The following CFAP20DC variants were observed in gnomAD, a reference collection of about 807,000 sequenced individuals.
CFAP20DC encodes the protein protein CFAP20DC.
Under a neutral mutation model 101.7 loss-of-function variants are expected in CFAP20DC, and 84 were observed. The observed-to-expected ratio is 0.83, with a 90% confidence interval of 0.69 to 0.99. CFAP20DC has a LOEUF of 0.99. Ranked by LOEUF, CFAP20DC falls within the 50% of genes least tolerant of loss-of-function variation. The probability of loss-of-function intolerance (pLI) is 0.00; values close to 1 mark genes in which losing one functional copy is unlikely to be tolerated. For synonymous variants in CFAP20DC, 359 were observed against 351.2 expected (o/e 1.02, Z -0.25); for missense variants, 1,007 against 970.3 (o/e 1.04, Z -0.50).
intron 3 of CFAP20DC, among the ~76,000 whole-genome samples, chr3:58,730,031 AAAAAAAAAG>A (rs1224256914): frequency 0.011 from 1,623 of 151,800 alleles, 36 homozygotes; most frequent in African/African-American, 0.036. Flanking sequence ...AAAAAAAAAA[AAAAAAAAAG>A]AAAGTTGAAA....
At chr3:58,816,632 G>A (rs1467575701) in intron 14 of CFAP20DC, among the ~76,000 whole-genome samples, 2 of 151,622 alleles carry the variant, frequency 1.3e-5, no homozygotes, top group East Asian at 3.9e-4. Context: ...CCTGGCTCGA[G>A]GGTCCTACGC....
chr3:58,854,564 C>T (rs2078583058), intron 12 of CFAP20DC, among the ~76,000 whole-genome samples: 1 of 152,204 alleles, frequency 6.6e-6, no homozygotes, highest in African/African-American at 2.4e-5. Flanking sequence ...CTGGAGGCAT[C>T]AGGCTACCTG....
Position 58,958,384 on chromosome 3 carries a change from C to T in CFAP20DC, c.279-20622G>A, listed in dbSNP as rs187858395. ...TAACTTTTTATTACAGAATAGTATT[C>T]TACTATATGGATGTATCACATTTTG... On this transcript the variant is annotated intron_variant, in intron 4 of 16. Transcript: ENST00000482387. 2.7e-3 allele frequency among the ~76,000 whole-genome samples: 406 copies of T among 152,224 alleles called. 1 individual carries two copies. Among genetic ancestry groups the T allele is most frequent in the African/African-American group, 9.2e-3 (382 of 41,524 alleles).
chr3:59,046,085 T>C (rs1185682422), intron 3 of CFAP20DC, 144 bp downstream of exon 3: 1 of 604,034 alleles, frequency 1.7e-6, no homozygotes, highest in East Asian at 2.9e-5. Flanking sequence ...GCATAGTTAG[T>C]TGCCCTCTAA....
intron 12 of CFAP20DC, among the ~76,000 whole-genome samples, chr3:58,852,415 C>T (rs937930223): frequency 6.6e-6 from 1 of 151,808 alleles, no homozygotes; most frequent in African/African-American, 2.4e-5. Flanking sequence ...CCACTGTCAA[C>T]ATTAGACAGA....
Position 58,852,787 on chromosome 3 carries a change from G to A in CFAP20DC, c.1594-3378C>T, listed in dbSNP as rs528796352. ...AATAAAGATGTTCTTTGAAACCAAC[G>A]AGAACAAAGACACAACATACCAGAA... On this transcript the variant is annotated intron_variant, in intron 12 of 16. Coordinates refer to ENST00000482387, the MANE Select transcript of CFAP20DC (RefSeq NM_001394063.1). Among the ~76,000 whole-genome samples the A allele has an allele frequency of 7.1e-3, 1,080 of 151,308 alleles. 13 individuals are homozygous for A. The highest frequency in any genetic ancestry group is 0.025 in the African/African-American group (1,014 of 41,158).
At chr3:58,875,648 G>A (rs539047058) in intron 7 of CFAP20DC, among the ~76,000 whole-genome samples, 12 of 152,068 alleles carry the variant, frequency 7.9e-5, no homozygotes, top group Non-Finnish European at 1.8e-4. Context: ...CCCCTCAATC[G>A]ATGTAAGTTC....
At chr3:58,763,116 A>C (rs889525677) in intron 15 of CFAP20DC, among the ~76,000 whole-genome samples, 1 of 152,160 alleles carries the variant, frequency 6.6e-6, no homozygotes, top group African/African-American at 2.4e-5. Context: ...TCTCCTGGAT[A>C]ATATCCTGCA....
chr3:58,806,776 T>C (rs1417996091), intron 14 of CFAP20DC, among the ~76,000 whole-genome samples: 3 of 152,184 alleles, frequency 2.0e-5, no homozygotes, highest in East Asian at 3.8e-4. Context: ...ATTGCCTCAC[T>C]CGGGAAGCGC....
chr3:58,861,397 TGCCTTAATTAACTAAACTGATTTTTC>T lies in CFAP20DC; in HGVS notation c.1593+2135_1593+2160del, dbSNP rs1432039001. 3 of 779,012 alleles carry T rather than the reference TGCCTTAATTAACTAAACTGATTTTTC, an allele frequency of 3.9e-6. No homozygotes were observed. The African/African-American group carries it at 5.7e-5, about 15-fold the overall frequency. The allele number at this position is 779,012 out of a possible 1,614,324, so 48.3% of individuals were successfully genotyped here. On this transcript the variant is annotated intron_variant, in intron 12 of 16. Coordinates refer to ENST00000482387, the MANE Select transcript of CFAP20DC (RefSeq NM_001394063.1). The surrounding 1 kb of genome is among the most constrained non-coding windows in gnomAD (Gnocchi z 4.0). ...AAAATAATGCAATTAATAGTAAGGA[TGCCTTAATTAACTAAACTGATTTTTC>T]TTCAAAGACTATATGTAAATAAACA...
At chr3:58,793,710 G>T (rs116387946) in intron 15 of CFAP20DC, among the ~76,000 whole-genome samples, 107 of 152,190 alleles carry the variant, frequency 7.0e-4, no homozygotes, top group African/African-American at 2.5e-3. Context: ...GAGATGAGCT[G>T]CCCCTCAACA....
chr3:58,884,077 G>A (rs373741433), intron 7 of CFAP20DC, among the ~76,000 whole-genome samples: 37 of 152,046 alleles, frequency 2.4e-4, no homozygotes, highest in Admixed American at 1.0e-3. Flanking sequence ...AAAAAAATGG[G>A]AGATCTGGTG....
At chr3:58,963,241 T>TGTGTGTGTGTGTGTGTGTGTGTG (rs1559906974) in intron 4 of CFAP20DC, among the ~76,000 whole-genome samples, 2 of 149,300 alleles carry the variant, frequency 1.3e-5, no homozygotes, top group Non-Finnish European at 3.0e-5. Context: ...TGTGTGTGTG[T>TGTGTGTGTGTGTGTGTGTGTGTG]TTTAATAAAT....
At chr3:58,816,277 G>A (rs747692460) in intron 14 of CFAP20DC, among the ~76,000 whole-genome samples, 16 of 152,184 alleles carry the variant, frequency 1.1e-4, no homozygotes, top group Middle Eastern at 3.4e-3. Flanking sequence ...ACCAAACACC[G>A]CGGGGAGGAG....
Position 58,721,390 on chromosome 3 carries a change from A to T in CFAP20DC, c.198-3762T>A, listed in dbSNP as rs6769761. On this transcript the variant is annotated intron_variant, in intron 3 of 3. Transcript: ENST00000486145. The surrounding 1 kb of genome is among the most constrained non-coding windows in gnomAD (Gnocchi z 5.2). Reference sequence around the variant, plus strand: ...CAGAATGAAGAGATAGACATTTTTTAAAAATTACAACCATGATAGGGTACC... The same window carrying T: ...CAGAATGAAGAGATAGACATTTTTTTAAAATTACAACCATGATAGGGTACC... Among the ~76,000 whole-genome samples the T allele has an allele frequency of 0.097, 14,750 of 152,136 alleles. 1,200 individuals carry two copies. The highest frequency in any genetic ancestry group is 0.35 in the East Asian group (1,814 of 5,158).
At chr3:58,802,937 C>G (rs1240677194) in intron 15 of CFAP20DC, among the ~76,000 whole-genome samples, 1 of 151,530 alleles carries the variant, frequency 6.6e-6, no homozygotes, top group Non-Finnish European at 1.5e-5. Flanking sequence ...GATCACTCCA[C>G]TGCACTCCAG....
At chr3:58,960,802 C>T (rs1252294620) in intron 4 of CFAP20DC, among the ~76,000 whole-genome samples, 2 of 151,978 alleles carry the variant, frequency 1.3e-5, no homozygotes, top group African/African-American at 4.8e-5. Flanking sequence ...TACTAGAATA[C>T]AATGGTAAAT....
chr3:58,926,641 C>T (rs889468554), intron 5 of CFAP20DC, among the ~76,000 whole-genome samples: 1 of 152,128 alleles, frequency 6.6e-6, no homozygotes, highest in African/African-American at 2.4e-5. Flanking sequence ...ACATCATTGG[C>T]TCTATGGGAA....
At position 58,859,331 on chromosome 3, in the gene CFAP20DC, T is replaced by G. The variant is rs1272722135; in HGVS notation, c.1593+4227A>C. On this transcript the variant is annotated intron_variant, in intron 12 of 16. Transcript: ENST00000482387. This position sits in a 1 kb window ranked among gnomAD's most constrained non-coding sequence, Gnocchi z 4.1. ...CATATGAATATTTTGGCAAAGTGAT[T>G]AGGCTTTTCTAATTTTTCAAGGCAA... 6.6e-6 allele frequency among the ~76,000 whole-genome samples: 1 copy of G among 152,220 alleles called. No homozygotes were observed. The highest frequency in any genetic ancestry group is 2.4e-5 in the African/African-American group (1 of 41,460).
Sources: allele counts gnomAD v4.1 joint callset (sites outside exome capture counted in the v4.1 genomes callset), GRCh38; gene constraint gnomAD v4.1.1; non-coding constraint Gnocchi (gnomAD v3.1); transcripts MANE v1.5; gene names NCBI Gene and HGNC (gene_info 2026-07-23, HGNC 2026-07-21).